FARP2: variants seen among roughly 807,000 people sequenced by gnomAD.
FARP2 encodes FERM, ARH/RhoGEF and pleckstrin domain protein 2.
In FARP2, 111 loss-of-function variants were observed where a neutral mutation model predicts 130.5. The ratio of observed to expected loss-of-function variants is 0.85; its 90% confidence interval spans 0.73 to 1.00. The LOEUF (loss-of-function observed/expected upper bound fraction) is 1.00. FARP2 is among the 50% of genes least tolerant of loss of function. The pLI is 0.00. For missense variants in FARP2, 1,385 were observed against 1,346.3 expected (o/e 1.03, Z -0.45); for synonymous variants, 504 against 516.9 (o/e 0.98, Z 0.34).
At chr2:241,421,891 C>A (rs2062818384) in intron 8 of FARP2, among the ~76,000 whole-genome samples, 1 of 152,204 alleles carries the variant, frequency 6.6e-6, no homozygotes, top group African/African-American at 2.4e-5. Flanking sequence ...CACCTGTAAT[C>A]CCAGCACTTT....
chr2:241,421,511 A>G (rs2062806769), intron 8 of FARP2, among the ~76,000 whole-genome samples: 1 of 152,190 alleles, frequency 6.6e-6, no homozygotes, highest in South Asian at 2.1e-4. Flanking sequence ...CGGGGTGGCC[A>G]CCATCTCTAG....
intron 9 of FARP2, among the ~76,000 whole-genome samples, chr2:241,433,576 G>GA (rs2063145242): frequency 1.3e-5 from 2 of 152,214 alleles, no homozygotes; most frequent in African/African-American, 4.8e-5. Context: ...AGGCTAGGTA[G>GA]AAAAAGTGTT....
chr2:241,366,105 A>ATATACG (rs2061301977), intron 1 of FARP2, among the ~76,000 whole-genome samples: 1 of 42,338 alleles, frequency 2.4e-5, no homozygotes, highest in Non-Finnish European at 4.7e-5. Flanking sequence ...AAAAAAAAAA[A>ATATACG]TATATATATA....
chr2:241,425,947 G>T (rs148938929), intron 8 of FARP2, among the ~76,000 whole-genome samples: 22 of 150,086 alleles, frequency 1.5e-4, no homozygotes, highest in African/African-American at 3.9e-4. Context: ...TAAATTTGGT[G>T]TGTGTGGGGC....
intron 2 of FARP2, among the ~76,000 whole-genome samples, chr2:241,379,299 T>C (rs1328967907): frequency 6.6e-6 from 1 of 152,232 alleles, no homozygotes; most frequent in Non-Finnish European, 1.5e-5. Context: ...AGATATGTAA[T>C]GATTAAAAGA....
At chr2:241,383,902 G>A (rs2061721483) in intron 2 of FARP2, among the ~76,000 whole-genome samples, 1 of 152,096 alleles carries the variant, frequency 6.6e-6, no homozygotes, top group Admixed American at 6.5e-5. Flanking sequence ...CAGGCACTGG[G>A]CTTGGTGGGA....
At chr2:241,366,127 A>ATACACG (rs2061312068) in intron 1 of FARP2, among the ~76,000 whole-genome samples, 1 of 136,482 alleles carries the variant, frequency 7.3e-6, no homozygotes, top group African/African-American at 2.8e-5. Context: ...ATATACGTAT[A>ATACACG]TATATATATA....
chr2:241,382,982 A>T (rs1176839717), intron 2 of FARP2, among the ~76,000 whole-genome samples: 1 of 152,272 alleles, frequency 6.6e-6, no homozygotes, highest in Non-Finnish European at 1.5e-5. Flanking sequence ...AAAATAAAAA[A>T]GGAAATAAGA....
At chr2:241,461,982 C>G (rs796772075) in intron 14 of FARP2, among the ~76,000 whole-genome samples, 10 of 152,322 alleles carry the variant, frequency 6.6e-5, no homozygotes, top group African/African-American at 2.2e-4. Flanking sequence ...GCCTGCTTGG[C>G]ACCAGCACCT....
At chr2:241,489,791 G>A (rs545576759) in intron 21 of FARP2, 171 bp from the exon 22 acceptor site, 32 of 556,460 alleles carry the variant, frequency 5.8e-5, no homozygotes, top group South Asian at 5.4e-4. Flanking sequence ...CTGCCATGGC[G>A]CAGGGATACC....
Position 241,434,287 on chromosome 2 carries a change from GTCT to G in FARP2, c.1003_1005del (p.Phe335del), listed in dbSNP as rs772582885. ...CCAACCTAAGCCAAAAGCAAAAGCCGTCTTCTTCAGCCGGGGCTCCTCCTTCAG... is the reference window on the plus strand; with the variant it reads ...CCAACCTAAGCCAAAAGCAAAAGCCGTCTTCAGCCGGGGCTCCTCCTTCAG... On this transcript the variant is annotated inframe_deletion, in exon 10 of 27. Transcript: ENST00000264042. 10 of 1,612,982 alleles carry G rather than the reference GTCT, an allele frequency of 6.2e-6. No homozygotes were observed. Among genetic ancestry groups the G allele is most frequent in the Non-Finnish European group, 8.5e-6 (10 of 1,179,748 alleles).
intron 13 of FARP2, chr2:241,443,091 A>AC (rs1391724731): frequency 4.0e-6 from 1 of 251,926 alleles, no homozygotes; most frequent in Non-Finnish European, 7.7e-6. Context: ...GGACTCTGAG[A>AC]CCCTAAGGCC....
chr2:241,470,012 T>C (rs2064266968), intron 18 of FARP2, among the ~76,000 whole-genome samples: 1 of 152,202 alleles, frequency 6.6e-6, no homozygotes, highest in Non-Finnish European at 1.5e-5. Flanking sequence ...GCCCAGTCGA[T>C]GAAACATTCT....
intron 2 of FARP2, among the ~76,000 whole-genome samples, chr2:241,389,101 T>G (rs970193402): frequency 7.2e-5 from 11 of 152,038 alleles, no homozygotes; most frequent in Non-Finnish European, 1.6e-4. Context: ...GCCAACATGG[T>G]AAAGCCTCAT....
chr2:241,408,507 G>A (rs545637235), intron 5 of FARP2, among the ~76,000 whole-genome samples: 2 of 150,098 alleles, frequency 1.3e-5, no homozygotes, highest in South Asian at 4.2e-4. Flanking sequence ...TGGCATTTCA[G>A]TCCAGCCTGG....
chr2:241,366,092 T>TAAAA (rs201202290), intron 1 of FARP2, among the ~76,000 whole-genome samples: 1 of 73,882 alleles, frequency 1.4e-5, no homozygotes, highest in South Asian at 4.4e-4. Flanking sequence ...TCATCACTAC[T>TAAAA]AAAAAAAAAA....
chr2:241,462,419 T>G, intron 14 of FARP2, 104 bp from the exon 15 acceptor site: 2 of 732,548 alleles, frequency 2.7e-6, no homozygotes, highest in Non-Finnish European at 4.9e-6. Context: ...ATGACGATGT[T>G]ACCTTGAGCA....
chr2:241,462,544 T>C lies in FARP2; in HGVS notation c.1609T>C (p.Tyr537His), dbSNP rs1371062594. 6.2e-7 allele frequency: 1 copy of C among 1,613,964 alleles called. No individual in the cohort carries two copies. Among genetic ancestry groups the C allele is most frequent in the South Asian group, 1.1e-5 (1 of 91,082 alleles). ...RHKRVPADEA[Y>H]FIVKEILATE... ...TCAGCGCGTGCCTGCAGACGAGGCC[T>C]ACTTCATAGTCAAAGAGATTCTCGC... Residue 537 changes from tyrosine to histidine, a missense_variant, in exon 15 of 27, where the codon TAC (tyrosine) becomes CAC (histidine). Physicochemically the swap from Tyr to His is moderately conservative, Grantham distance 83 (BLOSUM62 2). Transcript: ENST00000264042.
chr2:241,426,897 G>C (rs2062952637), intron 8 of FARP2, among the ~76,000 whole-genome samples: 1 of 151,876 alleles, frequency 6.6e-6, no homozygotes. Context: ...CAAGACCCTG[G>C]GATATACAGT....
Sources: allele counts gnomAD v4.1 joint callset (sites outside exome capture counted in the v4.1 genomes callset), GRCh38; gene constraint gnomAD v4.1.1; transcripts MANE v1.5; gene names NCBI Gene and HGNC (gene_info 2026-07-23, HGNC 2026-07-21).